The following MED13L variants were observed in gnomAD, a reference collection of about 807,000 sequenced individuals.
MED13L encodes the protein mediator complex subunit 13L.
In MED13L, 7 loss-of-function variants were observed where a neutral mutation model predicts 220.9. That is an observed-to-expected ratio of 0.03 (90% CI 0.02 to 0.06). The LOEUF (loss-of-function observed/expected upper bound fraction) is 0.06, where lower values mean the gene tolerates loss of function less well. MED13L is among the 10% of genes least tolerant of loss of function. The probability of loss-of-function intolerance (pLI) is 1.00; values close to 1 mark genes in which losing one functional copy is unlikely to be tolerated. For missense variants in MED13L, 1,965 were observed against 2,760.5 expected (o/e 0.71, Z 6.46); for synonymous variants, 1,011 against 1,015.2 (o/e 1.00, Z 0.08).
chr12:116,014,926 G>A (rs1004390164), intron 8 of MED13L, among the ~76,000 whole-genome samples, 183 bp downstream of exon 8: 3 of 152,138 alleles, frequency 2.0e-5, no homozygotes, highest in Admixed American at 6.6e-5. Context: ...ATCAAGTACA[G>A]TAAATGTCTT....
At chr12:116,228,805 C>A (rs772037444) in intron 2 of MED13L, among the ~76,000 whole-genome samples, 1 of 152,178 alleles carries the variant, frequency 6.6e-6, no homozygotes, top group Admixed American at 6.5e-5. Context: ...AATATTTAAA[C>A]CTTTTCTTCA....
intron 14 of MED13L, 76 bp downstream of exon 14, chr12:116,002,926 CA>C: frequency 8.8e-7 from 1 of 1,142,066 alleles, no homozygotes; most frequent in Non-Finnish European, 1.3e-6. Flanking sequence ...AAAGATAAAG[CA>C]CCACTAAGTA....
intron 23 of MED13L, 51 bp from the exon 24 acceptor site, chr12:115,975,789 AT>A: frequency 6.4e-7 from 1 of 1,561,974 alleles, no homozygotes. Context: ...CAACTTAATG[AT>A]TACAACAAAA....
At chr12:116,104,555 T>C (rs190876018) in intron 3 of MED13L, among the ~76,000 whole-genome samples, 86 of 152,300 alleles carry the variant, frequency 5.6e-4, no homozygotes, top group Middle Eastern at 6.8e-3. Context: ...ATGGGGTAAA[T>C]ATGCTAACAA....
At chr12:116,273,663 A>G (rs1280553825) in intron 1 of MED13L, among the ~76,000 whole-genome samples, 1 of 152,236 alleles carries the variant, frequency 6.6e-6, no homozygotes, top group African/African-American at 2.4e-5. Flanking sequence ...TAGTGTCTCA[A>G]TTCAGCAAGA....
intron 4 of MED13L, among the ~76,000 whole-genome samples, chr12:116,091,558 G>GC (rs1872214095): frequency 6.6e-6 from 1 of 152,182 alleles, no homozygotes; most frequent in African/African-American, 2.4e-5. Context: ...TTTATCACAA[G>GC]CCCTTATTAA....
In MED13L at chr12:116,003,045, G is replaced by A. The variant is rs747319482; in HGVS notation, c.2527C>T (p.Pro843Ser). ...GCAGCTCTTCCATCCTTCCCAAGAG[G>A]TCGGTCTTCTGTCCCAACTGCAGGC... ...KMPAVGTEDR[P>S]LGKDGRAAVP... The change falls in exon 14 of 31, where the codon CCT (proline) becomes TCT (serine). Residue 843 changes from proline to serine, a missense_variant. Pro to Ser is a moderately conservative substitution (Grantham distance 74, BLOSUM62 -1). Around this residue, in one of 10 missense-constraint regions of MED13L, gnomAD observed 818 missense variants for 1,041.2 expected, o/e 0.79. Coordinates refer to ENST00000281928, the MANE Select transcript of MED13L (RefSeq NM_015335.5). 10 of 1,614,152 alleles carry A rather than the reference G, an allele frequency of 6.2e-6. No homozygotes were observed. Among genetic ancestry groups the A allele is most frequent in the South Asian group, 1.1e-5 (1 of 91,084 alleles).
chr12:115,982,134 T>C, intron 22 of MED13L: 1 of 469,958 alleles, frequency 2.1e-6, no homozygotes, highest in South Asian at 2.5e-5. Flanking sequence ...CTTCAGGTTA[T>C]GTGTGTAAGG....
Position 116,219,339 on chromosome 12 carries a change from G to A in MED13L, c.310+18129C>T, listed in dbSNP as rs188697046. Among the ~76,000 whole-genome samples, 599 of 152,136 alleles carry A rather than the reference G, an allele frequency of 3.9e-3. 4 individuals are homozygous for A. The highest frequency in any genetic ancestry group is 7.3e-3 in the Admixed American group (111 of 15,286). On this transcript the variant is annotated intron_variant, in intron 2 of 30. Coordinates refer to ENST00000281928, the MANE Select transcript of MED13L (RefSeq NM_015335.5). ...ATCTTAAAAAATCTAATTAGCATAC[G>A]TTAAAGGTAAAGATAGGCAGATGCC...
chr12:116,111,188 A>C (rs1401436085), intron 3 of MED13L, among the ~76,000 whole-genome samples: 3 of 152,216 alleles, frequency 2.0e-5, no homozygotes, highest in Non-Finnish European at 4.4e-5. Flanking sequence ...TTAGGGAATA[A>C]ATTTTAAAAA....
In MED13L at chr12:115,959,663, A is replaced by C. The variant is rs1474578504; in HGVS notation, c.*1603T>G. ...AGATTTTTTATCCTATACATTGCGA[A>C]AGTCAACCCCCCCTTCAACTGGTGG... On this transcript the variant is annotated 3_prime_UTR_variant, in exon 31 of 31. Transcript: ENST00000281928. 6.6e-6 allele frequency: 1 copy of C among 152,624 alleles called. No homozygotes were observed. The allele number at this position is 152,624 out of a possible 1,614,324, so 9.5% of individuals were successfully genotyped here.
intron 5 of MED13L, among the ~76,000 whole-genome samples, chr12:116,021,162 A>G (rs1880038935): frequency 6.6e-6 from 1 of 152,190 alleles, no homozygotes; most frequent in South Asian, 2.1e-4. Flanking sequence ...GAAAATAAGC[A>G]GAATAATGCT....
chr12:116,107,188 AC>A (rs1873663214), intron 3 of MED13L, among the ~76,000 whole-genome samples: 1 of 152,116 alleles, frequency 6.6e-6, no homozygotes, highest in Non-Finnish European at 1.5e-5. Flanking sequence ...ACAAACACGT[AC>A]CCCCAAAAAG....
At chr12:116,189,682 T>C (rs573372374) in intron 2 of MED13L, among the ~76,000 whole-genome samples, 4 of 152,288 alleles carry the variant, frequency 2.6e-5, no homozygotes, top group African/African-American at 7.2e-5. Flanking sequence ...CAGGAGACAT[T>C]GTTTGGACTA....
intron 1 of MED13L, among the ~76,000 whole-genome samples, chr12:116,250,972 T>C (rs933755382): frequency 6.6e-6 from 1 of 151,394 alleles, no homozygotes; most frequent in Non-Finnish European, 1.5e-5. Flanking sequence ...ATAAAGAAGT[T>C]TAATATTATT....
chr12:116,149,341 G>A (rs1877849702), intron 2 of MED13L, among the ~76,000 whole-genome samples: 1 of 152,196 alleles, frequency 6.6e-6, no homozygotes, highest in Non-Finnish European at 1.5e-5. Context: ...ATTGTCTAGA[G>A]CTCAGCTGTC....
At chr12:116,186,342 G>C (rs960544876) in intron 2 of MED13L, among the ~76,000 whole-genome samples, 2 of 152,176 alleles carry the variant, frequency 1.3e-5, no homozygotes, top group African/African-American at 4.8e-5. Flanking sequence ...GAAGAGATTA[G>C]ACATCAGATT....
At chr12:116,073,854 C>G (rs1339525787) in intron 4 of MED13L, among the ~76,000 whole-genome samples, 1 of 152,156 alleles carries the variant, frequency 6.6e-6, no homozygotes, top group Non-Finnish European at 1.5e-5. Flanking sequence ...AATACAAATT[C>G]AATTACTGAT....
chr12:115,987,332 C>T (rs368561338), intron 17 of MED13L, 44 bp from the exon 18 acceptor site: 8 of 1,568,714 alleles, frequency 5.1e-6, no homozygotes, highest in Non-Finnish European at 7.0e-6. Context: ...AGGGGGCTAG[C>T]ACCCTCCTCT....
Sources: gnomAD v4.1 joint callset for allele counts (sites outside exome capture counted in the v4.1 genomes callset) on GRCh38, gnomAD v4.1.1 for gene constraint, gnomAD v4.1.1 regional missense constraint, MANE v1.5 for transcripts, NCBI Gene and HGNC (gene_info 2026-07-23, HGNC 2026-07-21) for gene names.